Variants in ARHGAP32 observed in about 807,000 individuals in gnomAD.
ARHGAP32 encodes the protein rho GTPase-activating protein 32.
ARHGAP32 carries 51 observed loss-of-function variants against 186.5 expected under a neutral mutation model. That is an observed-to-expected ratio of 0.27 (90% CI 0.22 to 0.35). The LOEUF is 0.35. ARHGAP32 is among the 10% of genes least tolerant of loss of function. The probability of loss-of-function intolerance (pLI) is 1.00; values close to 1 mark genes in which losing one functional copy is unlikely to be tolerated. For synonymous variants in ARHGAP32, 950 were observed against 964.3 expected (o/e 0.99, Z 0.27); for missense variants, 2,186 against 2,623.5 (o/e 0.83, Z 3.64).
chr11:129,243,664 T>G (rs1439498909), intron 1 of ARHGAP32, among the ~76,000 whole-genome samples: 1 of 152,196 alleles, frequency 6.6e-6, no homozygotes, highest in Non-Finnish European at 1.5e-5. Flanking sequence ...GAGGACTCTT[T>G]GTCTCTCCTC....
chr11:128,988,227 T>A (rs1945935444), intron 12 of ARHGAP32, 102 bp from the exon 13 acceptor site: 1 of 893,914 alleles, frequency 1.1e-6, no homozygotes, highest in Admixed American at 2.8e-5. Flanking sequence ...AAAATAAAAT[T>A]TGTAAATTAA....
intron 11 of ARHGAP32, among the ~76,000 whole-genome samples, chr11:129,029,138 C>G (rs749632924): frequency 1.3e-5 from 2 of 152,166 alleles, no homozygotes; most frequent in Non-Finnish European, 2.9e-5. Context: ...AAGCAATTCT[C>G]TTTAACCTCA....
chr11:129,098,985 A>G (rs923552209), intron 5 of ARHGAP32, among the ~76,000 whole-genome samples: 17 of 152,282 alleles, frequency 1.1e-4, no homozygotes, highest in African/African-American at 3.9e-4. Context: ...AAAGAAAATA[A>G]GAAAGAAATT....
At chr11:129,213,759 G>C (rs1026087226) in intron 1 of ARHGAP32, among the ~76,000 whole-genome samples, 1 of 152,016 alleles carries the variant, frequency 6.6e-6, no homozygotes, top group East Asian at 1.9e-4. Flanking sequence ...AATAGACACA[G>C]TGCTCTGTGA....
At chr11:129,169,857 A>G (rs1943721091) in intron 1 of ARHGAP32, among the ~76,000 whole-genome samples, 1 of 152,126 alleles carries the variant, frequency 6.6e-6, no homozygotes, top group African/African-American at 2.4e-5. Context: ...TAAACATACA[A>G]GCCAAAGATA....
chr11:129,025,150 C>A (rs1028551846), intron 11 of ARHGAP32, among the ~76,000 whole-genome samples: 2 of 152,126 alleles, frequency 1.3e-5, no homozygotes, highest in African/African-American at 4.8e-5. Flanking sequence ...TTATCCTAAT[C>A]TAATGAAGGC....
intron 2 of ARHGAP32, among the ~76,000 whole-genome samples, chr11:129,139,042 A>C (rs1200841608): frequency 6.6e-6 from 1 of 152,186 alleles, no homozygotes; most frequent in African/African-American, 2.4e-5. Flanking sequence ...AATGAGAAAT[A>C]GCTTTCCTCT....
intron 1 of ARHGAP32, among the ~76,000 whole-genome samples, chr11:129,277,428 G>C (rs1385394778): frequency 1.3e-5 from 2 of 152,238 alleles, no homozygotes; most frequent in South Asian, 4.2e-4. Context: ...TCTCTCCCTA[G>C]AAAACAAAAC....
At chr11:128,973,963 C>T in intron 21 of ARHGAP32, 161 bp downstream of exon 21, 1 of 834,770 alleles carries the variant, frequency 1.2e-6, no homozygotes. Flanking sequence ...TGTTGGACTG[C>T]TTTTAATTTA....
chr11:129,050,192 C>T (rs892301559), intron 10 of ARHGAP32, among the ~76,000 whole-genome samples: 5 of 152,212 alleles, frequency 3.3e-5, no homozygotes, highest in African/African-American at 7.2e-5. Context: ...AATTCTTCCA[C>T]ATCCTTGCAA....
intron 1 of ARHGAP32, among the ~76,000 whole-genome samples, chr11:129,172,534 A>C (rs1263517544): frequency 6.6e-6 from 1 of 152,252 alleles, no homozygotes; most frequent in African/African-American, 2.4e-5. Context: ...AAACGAACAC[A>C]TAATTGGAAG....
chr11:129,195,188 C>A (rs1944376742), upstream of ARHGAP32, among the ~76,000 whole-genome samples: 1 of 152,182 alleles, frequency 6.6e-6, no homozygotes, highest in Admixed American at 6.5e-5. Context: ...CCATGTTGGC[C>A]AGGCTGGTCT....
At chr11:129,121,644 G>C (rs887907867) in intron 5 of ARHGAP32, among the ~76,000 whole-genome samples, 1 of 152,024 alleles carries the variant, frequency 6.6e-6, no homozygotes, top group East Asian at 1.9e-4. Context: ...TACAAGCAGG[G>C]TCACAAACTG....
Position 128,998,350 on chromosome 11 carries a change from C to G in ARHGAP32, c.1164G>C (p.Leu388=). The G allele has an allele frequency of 6.3e-7, 1 of 1,585,728 alleles. No homozygotes were observed. Among genetic ancestry groups the G allele is most frequent in the Non-Finnish European group, 8.6e-7 (1 of 1,165,286 alleles). ...AACCAGAATTTAGAAGGTGTTCCCC[C>G]AGGTCACAACCAAACACCCTCTCTT... ...ILKERVFGCD[L]GEHLLNSGFE... The change falls in exon 12 of 23, where the codon CTG becomes CTC. Residue 388 remains leucine, a synonymous_variant. Coordinates refer to ENST00000682385, the MANE Select transcript of ARHGAP32 (RefSeq NM_001378024.1).
intron 13 of ARHGAP32, among the ~76,000 whole-genome samples, chr11:128,987,429 T>C (rs1945905941): frequency 6.6e-6 from 1 of 152,232 alleles, no homozygotes; most frequent in Non-Finnish European, 1.5e-5. Flanking sequence ...ATGGGCTCTA[T>C]GATCTGTTAA....
rs758214533 is a variant in ARHGAP32, at chr11:128,988,174, A to G, written c.1196-49T>C. 2.9e-6 allele frequency: 4 copies of G among 1,389,060 alleles called. No homozygotes were observed. The African/African-American group carries it at 4.3e-5, about 15-fold the overall frequency. The allele number at this position is 1,389,060 out of a possible 1,614,324, so 86.0% of individuals were successfully genotyped here. On this transcript the variant is annotated intron_variant, in intron 12 of 22. Transcript: ENST00000682385. ...AGATGAAATTGTAGTATTCACTGGA[A>G]CCAAAGTTGCCAAAAAATAAGATTG...
In ARHGAP32 at chr11:128,971,476, G is replaced by A. The variant is rs944309467; in HGVS notation, c.4054-317C>T. The A allele has an allele frequency of 4.7e-5, 13 of 275,748 alleles. No homozygotes were observed. In the Admixed American group the frequency reaches 6.2e-4, roughly 13 times the overall value. 17.1% of individuals were successfully genotyped at this position (275,748 alleles called of 1,614,324 possible). On this transcript the variant is annotated intron_variant, in intron 22 of 22. Transcript: ENST00000682385. ...AGAGGTTTAGTCAAGTAATGCTGTAGAGCTTAAAAATACATACCCGGTCTA... is the reference window on the plus strand; with the variant it reads ...AGAGGTTTAGTCAAGTAATGCTGTAAAGCTTAAAAATACATACCCGGTCTA...
At chr11:129,148,928 A>T (rs567468505) in intron 2 of ARHGAP32, among the ~76,000 whole-genome samples, 43 of 152,272 alleles carry the variant, frequency 2.8e-4, no homozygotes, top group African/African-American at 9.6e-4. Flanking sequence ...AATCCCCTAC[A>T]GTGGCCACAG....
intron 5 of ARHGAP32, among the ~76,000 whole-genome samples, chr11:129,097,831 A>G: frequency 6.6e-6 from 1 of 152,182 alleles, no homozygotes; most frequent in African/African-American, 2.4e-5. Context: ...ATGAACTCTA[A>G]GTAAGATAAA....
Sources: allele counts gnomAD v4.1 joint callset (sites outside exome capture counted in the v4.1 genomes callset), GRCh38; gene constraint gnomAD v4.1.1; transcripts MANE v1.5; gene names NCBI Gene and HGNC (gene_info 2026-07-23, HGNC 2026-07-21).